The following C1QTNF3 variants were observed in gnomAD, a reference collection of about 807,000 sequenced individuals.
C1QTNF3 encodes the protein complement C1q tumor necrosis factor-related protein 3.
In C1QTNF3, 26 loss-of-function variants were observed where a neutral mutation model predicts 32.6. The observed-to-expected ratio is 0.80, with a 90% CI of 0.58 to 1.11. The LOEUF is 1.11. Ranked by LOEUF, C1QTNF3 falls within the 50% of genes least tolerant of loss-of-function variation. C1QTNF3 has a pLI of 0.00. For missense variants in C1QTNF3, 362 were observed against 398.2 expected (o/e 0.91, Z 0.77); for synonymous variants, 155 against 146.0 (o/e 1.06, Z -0.44).
chr5:34,236,665 G>A, the C1QTNF3 span, among the ~76,000 whole-genome samples: 21 of 117,310 alleles, frequency 1.8e-4, no homozygotes, highest in Admixed American at 8.4e-4. Flanking sequence ...CCTCCACCCC[G>A]CCAGGTTCAA....
chr5:34,175,653 C>T, the C1QTNF3 span: 1 of 552,524 alleles, frequency 1.8e-6, no homozygotes. Flanking sequence ...TTCCTACTTC[C>T]TAAGCACAAC....
At chr5:34,026,537 G>C (rs886476572) in intron 4 of C1QTNF3, among the ~76,000 whole-genome samples, 1 of 151,864 alleles carries the variant, frequency 6.6e-6, no homozygotes, top group Admixed American at 6.6e-5. Context: ...GAAGTATAAG[G>C]CTGGCTTCAG....
the C1QTNF3 span, among the ~76,000 whole-genome samples, chr5:34,189,215 T>G: frequency 1.1e-5 from 1 of 89,772 alleles, no homozygotes; most frequent in South Asian, 3.3e-4. Context: ...TTTTTTTTCT[T>G]TTTCTTTTTT....
chr5:34,026,540 G>A (rs1754465460), intron 4 of C1QTNF3, among the ~76,000 whole-genome samples: 1 of 151,896 alleles, frequency 6.6e-6, no homozygotes, highest in African/African-American at 2.4e-5. Flanking sequence ...GTATAAGGCT[G>A]GCTTCAGAAG....
At chr5:34,084,281 A>G in the C1QTNF3 span, among the ~76,000 whole-genome samples, 1 of 151,756 alleles carries the variant, frequency 6.6e-6, no homozygotes, top group Non-Finnish European at 1.5e-5. Flanking sequence ...GGATCTCTAT[A>G]TGTCTGAAAT....
At chr5:34,093,538 T>TA in the C1QTNF3 span, among the ~76,000 whole-genome samples, 1 of 123,258 alleles carries the variant, frequency 8.1e-6, no homozygotes, top group Non-Finnish European at 1.7e-5. Context: ...CAACCAGTGA[T>TA]AGAGGCAGGA....
At chr5:34,107,671 A>G in the C1QTNF3 span, among the ~76,000 whole-genome samples, 1 of 152,062 alleles carries the variant, frequency 6.6e-6, no homozygotes, top group African/African-American at 2.4e-5. Flanking sequence ...GCATAAAAAG[A>G]GAGAATGAGG....
the C1QTNF3 span, among the ~76,000 whole-genome samples, chr5:34,078,979 C>G: frequency 1.3e-5 from 2 of 151,564 alleles, no homozygotes; most frequent in African/African-American, 2.4e-5. The surrounding 1 kb of genome is among the most constrained non-coding windows in gnomAD (Gnocchi z 4.0). Flanking sequence ...CTGCGTTCAT[C>G]TATTATTTTT....
At chr5:34,236,570 C>CTTTTTTTTTTTTTTTTT in the C1QTNF3 span, among the ~76,000 whole-genome samples, 2 of 27,292 alleles carry the variant, frequency 7.3e-5, no homozygotes, top group African/African-American at 1.4e-4. Flanking sequence ...TTTCTTTTTT[C>CTTTTTTTTTTTTTTTTT]TTTTTTTTTT....
chr5:34,155,477 C>G, the C1QTNF3 span, among the ~76,000 whole-genome samples: 1 of 152,182 alleles, frequency 6.6e-6, no homozygotes, highest in Non-Finnish European at 1.5e-5. Context: ...ATTTTAACTA[C>G]ACAGAATGTA....
chr5:34,217,989 A>G, the C1QTNF3 span, among the ~76,000 whole-genome samples: 1 of 151,692 alleles, frequency 6.6e-6, no homozygotes, highest in South Asian at 2.1e-4. Context: ...ACTGTTGTTA[A>G]GTCTCTATGG....
chr5:34,058,809 C>T, the C1QTNF3 span, among the ~76,000 whole-genome samples: 13 of 152,202 alleles, frequency 8.5e-5, no homozygotes, highest in Admixed American at 1.3e-4. Context: ...GCACAGCCAA[C>T]TGCCCCTGTC....
At chr5:34,157,218 A>G in the C1QTNF3 span, among the ~76,000 whole-genome samples, 1 of 152,152 alleles carries the variant, frequency 6.6e-6, no homozygotes, top group African/African-American at 2.4e-5. Context: ...AGACATGCAC[A>G]CTCCCAATGG....
At chr5:34,037,913 A>G (rs1754780173) in intron 1 of C1QTNF3, among the ~76,000 whole-genome samples, 1 of 152,182 alleles carries the variant, frequency 6.6e-6, no homozygotes, top group Admixed American at 6.5e-5. Flanking sequence ...AGCCTTTTAA[A>G]CCTCAGAAAA....
the C1QTNF3 span, among the ~76,000 whole-genome samples, chr5:34,163,754 A>C: frequency 6.6e-6 from 1 of 152,178 alleles, no homozygotes; most frequent in African/African-American, 2.4e-5. Context: ...TCATTCTTAA[A>C]TACTACCTAG....
the C1QTNF3 span, among the ~76,000 whole-genome samples, chr5:34,146,643 T>C: frequency 1.3e-5 from 2 of 152,152 alleles, no homozygotes; most frequent in Admixed American, 6.5e-5. Flanking sequence ...GACCCCTAAC[T>C]TTCACCGTAT....
At chr5:34,209,018 G>T in the C1QTNF3 span, among the ~76,000 whole-genome samples, 1 of 152,154 alleles carries the variant, frequency 6.6e-6, no homozygotes, top group Non-Finnish European at 1.5e-5. Flanking sequence ...TTCACATCCG[G>T]TAAGTTTAGG....
chr5:34,229,882 T>G, the C1QTNF3 span, among the ~76,000 whole-genome samples: 2 of 152,142 alleles, frequency 1.3e-5, no homozygotes, highest in Non-Finnish European at 2.9e-5. Context: ...TGTGGTGTTC[T>G]CATGATAATG....
the C1QTNF3 span, among the ~76,000 whole-genome samples, chr5:34,056,450 GTGTGTATA>G: frequency 2.1e-5 from 1 of 48,640 alleles, no homozygotes; most frequent in Non-Finnish European, 3.8e-5. Flanking sequence ...GTGTGTGTGT[GTGTGTATA>G]TATATATATA....
Sources: gnomAD v4.1 joint callset for allele counts (sites outside exome capture counted in the v4.1 genomes callset) on GRCh38, gnomAD v4.1.1 for gene constraint, Gnocchi (gnomAD v3.1) non-coding constraint, MANE v1.5 for transcripts, NCBI Gene and HGNC (gene_info 2026-07-23, HGNC 2026-07-21) for gene names.